MACC1: variants seen among roughly 807,000 people sequenced by gnomAD.
The protein encoded by MACC1 is MET transcriptional regulator MACC1, also known as metastasis-associated in colon cancer protein 1.
A neutral mutation model predicts 70.7 loss-of-function variants in MACC1; 79 were observed. The ratio of observed to expected loss-of-function variants is 1.12; its 90% confidence interval spans 0.93 to 1.35. The LOEUF is 1.35. Ranked by LOEUF, MACC1 falls within the 40% of genes most tolerant of loss-of-function variation. The pLI is 0.00. For missense variants in MACC1, 1,106 were observed against 978.1 expected (o/e 1.13, Z -1.74); for synonymous variants, 361 against 347.2 (o/e 1.04, Z -0.44).
intron 5 of MACC1, among the ~76,000 whole-genome samples, chr7:20,156,391 C>G (rs527984770): frequency 6.6e-6 from 1 of 152,256 alleles, no homozygotes; most frequent in East Asian, 1.9e-4. Context: ...TGGTAATTAT[C>G]ATACCCCAAA....
chr7:20,183,475 T>C (rs980269964), intron 1 of MACC1, among the ~76,000 whole-genome samples: 1 of 152,228 alleles, frequency 6.6e-6, no homozygotes, highest in African/African-American at 2.4e-5. Context: ...CAAGCTTCAT[T>C]GTACCAGACT....
At chr7:20,160,628 AAATAG>A (rs1429154103) in intron 4 of MACC1, among the ~76,000 whole-genome samples, 1 of 152,136 alleles carries the variant, frequency 6.6e-6, no homozygotes, top group Non-Finnish European at 1.5e-5. Flanking sequence ...ATTTCTGGTC[AAATAG>A]AATAAATCAG....
intron 2 of MACC1, among the ~76,000 whole-genome samples, chr7:20,166,349 A>AT (rs1203116673): frequency 6.6e-6 from 1 of 152,110 alleles, no homozygotes; most frequent in Admixed American, 6.5e-5. Flanking sequence ...TGCAACCAGT[A>AT]TTTTTTTAAA....
intron 3 of MACC1, among the ~76,000 whole-genome samples, chr7:20,162,531 T>C (rs1039668089): frequency 3.3e-5 from 5 of 152,110 alleles, no homozygotes; most frequent in Admixed American, 2.6e-4. Context: ...CTATCAGATA[T>C]CAGCATTTAT....
chr7:20,204,237 C>A (rs1187210270), intron 1 of MACC1, among the ~76,000 whole-genome samples: 3 of 152,094 alleles, frequency 2.0e-5, no homozygotes, highest in Non-Finnish European at 4.4e-5. Flanking sequence ...TCACTGCAAA[C>A]TCCGCCTCCC....
At chr7:20,197,484 T>A (rs1440501175) in intron 1 of MACC1, among the ~76,000 whole-genome samples, 1 of 152,242 alleles carries the variant, frequency 6.6e-6, no homozygotes, top group Admixed American at 6.5e-5. Flanking sequence ...TATTTGTTTT[T>A]CTTTCTCGAG....
intron 1 of MACC1, among the ~76,000 whole-genome samples, chr7:20,175,854 T>A (rs1782383479): frequency 6.6e-6 from 1 of 152,136 alleles, no homozygotes; most frequent in Non-Finnish European, 1.5e-5. Flanking sequence ...ATCAATTCCT[T>A]AGAACTATTT....
intron 1 of MACC1, among the ~76,000 whole-genome samples, chr7:20,184,435 T>C (rs1191573457): frequency 6.6e-6 from 1 of 152,232 alleles, no homozygotes; most frequent in Non-Finnish European, 1.5e-5. Flanking sequence ...TCATATCTTC[T>C]ACTCTTATTT....
intron 2 of MACC1, among the ~76,000 whole-genome samples, chr7:20,166,446 G>T (rs73082550): frequency 6.6e-6 from 1 of 152,100 alleles, no homozygotes; most frequent in East Asian, 1.9e-4. Flanking sequence ...TGGCCTTACT[G>T]GATCTTACCC....
Position 20,158,317 on chromosome 7 carries a change from C to A in MACC1, c.2044G>T (p.Asp682Tyr). 6.2e-7 allele frequency: 1 copy of A among 1,613,672 alleles called. No homozygotes were observed. Among genetic ancestry groups the A allele is most frequent in the South Asian group, 1.1e-5 (1 of 90,970 alleles). The change falls in exon 5 of 7, where the codon GAT becomes TAT. Residue 682 changes from aspartate (D) to tyrosine (Y), a missense_variant. Coordinates refer to ENST00000400331, the MANE Select transcript of MACC1 (RefSeq NM_182762.4). Reference protein sequence around the residue: ...GYSHLSLEDFDQIQADKESEK... With the variant: ...GYSHLSLEDFYQIQADKESEK... ...GATTCTTTGTCTGCTTGAATTTGAT[C>A]AAAATCTTCCAGGGACAGATGTGAG...
At chr7:20,196,658 TATTATC>T (rs1362350502) in intron 1 of MACC1, among the ~76,000 whole-genome samples, 1 of 152,090 alleles carries the variant, frequency 6.6e-6, no homozygotes, top group Non-Finnish European at 1.5e-5. Context: ...ATGTAATATA[TATTATC>T]ATTAATTGTC....
rs570608771 is a variant in MACC1, at chr7:20,185,550, C to CT, written c.-217-14773dup. Among the ~76,000 whole-genome samples the CT allele has an allele frequency of 6.6e-3, 998 of 151,852 alleles. 5 individuals carry two copies. Among genetic ancestry groups the CT allele is most frequent in the Non-Finnish European group, 0.011 (718 of 67,940 alleles). On this transcript the variant is annotated intron_variant, in intron 1 of 6. Transcript: ENST00000400331. ...GAAATATGAAAAAGAAAATTTTCTG[C>CT]TTTTTTATAAAAGGAGGAGGATAAA... is the stretch of plus-strand genomic sequence containing the variant.
chr7:20,142,482 C>T (rs1562579123), intron 6 of MACC1, among the ~76,000 whole-genome samples: 1 of 152,174 alleles, frequency 6.6e-6, no homozygotes, highest in Non-Finnish European at 1.5e-5. Context: ...GGTGCAGCAA[C>T]AAAAATCATC....
rs952394231 is a variant in MACC1 at position 20,138,715 on chromosome 7, C to T, written c.*2231G>A. ...TTTTTTTTTGAGACAGCCTGTCACC[C>T]AGGCTGGAGTGCAGTGGCATGAACT... On this transcript the variant is annotated 3_prime_UTR_variant, in exon 7 of 7. Coordinates refer to ENST00000400331, the MANE Select transcript of MACC1 (RefSeq NM_182762.4). 2.0e-5 allele frequency: 3 copies of T among 151,898 alleles called. No individual in the cohort carries two copies. The highest frequency in any genetic ancestry group is 7.3e-5 in the African/African-American group (3 of 41,330). The allele number at this position is 151,898 out of a possible 1,614,324, so 9.4% of individuals were successfully genotyped here. A position where few individuals can be genotyped will look rare whatever the true frequency, so the allele number is the denominator to read the frequency against.
intron 4 of MACC1, among the ~76,000 whole-genome samples, chr7:20,161,411 T>C (rs2128103090): frequency 6.6e-6 from 1 of 152,188 alleles, no homozygotes; most frequent in African/African-American, 2.4e-5. Context: ...CTCTTAAAAC[T>C]TACTTTTCCT....
intron 1 of MACC1, among the ~76,000 whole-genome samples, chr7:20,210,403 T>C (rs1037026471): frequency 4.6e-5 from 7 of 152,226 alleles, no homozygotes; most frequent in African/African-American, 9.6e-5. Context: ...CATTGTATTA[T>C]ACGTTTTATG....
chr7:20,215,659 G>C (rs1172692318), intron 1 of MACC1, among the ~76,000 whole-genome samples: 1 of 152,156 alleles, frequency 6.6e-6, no homozygotes, highest in East Asian at 1.9e-4. Flanking sequence ...GGGATGTTTA[G>C]TCTTAATAGA....
intron 1 of MACC1, among the ~76,000 whole-genome samples, chr7:20,176,730 A>G (rs1782399007): frequency 6.6e-6 from 1 of 152,176 alleles, no homozygotes; most frequent in African/African-American, 2.4e-5. Context: ...CATACCGTGA[A>G]ATATTACTCA....
intron 1 of MACC1, among the ~76,000 whole-genome samples, chr7:20,178,514 A>T (rs3114453): frequency 6.6e-6 from 1 of 151,640 alleles, no homozygotes; most frequent in Non-Finnish European, 1.5e-5. Context: ...GCAGTTTTTT[A>T]TCATTCTGTT....
Sources: allele counts gnomAD v4.1 joint callset (sites outside exome capture counted in the v4.1 genomes callset), GRCh38; gene constraint gnomAD v4.1.1; transcripts MANE v1.5; gene names NCBI Gene and HGNC (gene_info 2026-07-23, HGNC 2026-07-21).